The following GREB1L variants were observed in gnomAD, a reference collection of about 807,000 sequenced individuals.
The protein encoded by GREB1L is GREB1-like protein.
Under a neutral mutation model 200.8 loss-of-function variants are expected in GREB1L, and 17 were observed. That is an observed-to-expected ratio of 0.08 (90% CI 0.06 to 0.13). The LOEUF (loss-of-function observed/expected upper bound fraction) is 0.13, where lower values mean the gene tolerates loss of function less well. Ranked by LOEUF, GREB1L falls within the 10% of genes least tolerant of loss-of-function variation. The pLI is 1.00. For missense variants in GREB1L, 1,657 were observed against 2,367.7 expected (o/e 0.70, Z 6.23); for synonymous variants, 789 against 893.0 (o/e 0.88, Z 2.08).
chr18:21,268,335 A>C (rs2038005506), intron 1 of GREB1L, among the ~76,000 whole-genome samples: 2 of 151,470 alleles, frequency 1.3e-5, no homozygotes, highest in African/African-American at 4.9e-5. Flanking sequence ...AATCAAGCTG[A>C]ATTTTATTAA....
rs946709424 is a variant in GREB1L, at chr18:21,518,236, TA to T, written c.5472+7del. On this transcript the variant is annotated splice_donor_region_variant and intron_variant, in intron 31 of 32. Transcript: ENST00000424526. The stretch of plus-strand genomic sequence containing the variant: ...TGCTACCTTAACATTGGACCAGAGG[TA>T]AAAAGGGTGTGGGGGATACTGTGCT... 38 of 1,551,196 alleles carry T rather than the reference TA, an allele frequency of 2.4e-5. No individual in the cohort carries two copies. Among genetic ancestry groups the T allele is most frequent in the Non-Finnish European group, 3.2e-5 (37 of 1,146,786 alleles).
chr18:21,299,803 A>G (rs2038589859), intron 1 of GREB1L, among the ~76,000 whole-genome samples: 1 of 152,218 alleles, frequency 6.6e-6, no homozygotes, highest in South Asian at 2.1e-4. Context: ...AGGCAGATAT[A>G]TTTTGAAACT....
intron 1 of GREB1L, among the ~76,000 whole-genome samples, chr18:21,347,933 ATTTTTTTTTTTT>A (rs1171946736): frequency 1.9e-4 from 15 of 77,354 alleles, no homozygotes; most frequent in East Asian, 3.1e-4. Context: ...CACTCGGCTA[ATTTTTTTTTTTT>A]TTTTTTTTTT....
chr18:21,243,909 A>G (rs1381416726), intron 1 of GREB1L, among the ~76,000 whole-genome samples: 1 of 152,174 alleles, frequency 6.6e-6, no homozygotes, highest in Non-Finnish European at 1.5e-5. Context: ...CCTCTCCTCC[A>G]TACAAGCCTT....
intron 2 of GREB1L, among the ~76,000 whole-genome samples, chr18:21,372,171 C>CA (rs1452693149): frequency 7.0e-6 from 1 of 142,926 alleles, no homozygotes; most frequent in African/African-American, 2.6e-5. Flanking sequence ...TTTTTTGAGA[C>CA]AGAGTCTCGC....
intron 10 of GREB1L, 113 bp downstream of exon 10, chr18:21,441,650 G>T (rs2033909497): frequency 5.8e-6 from 6 of 1,035,280 alleles, no homozygotes; most frequent in Non-Finnish European, 8.3e-6. Flanking sequence ...TGTTGATTCT[G>T]TCAGCTTTTA....
intron 6 of GREB1L, among the ~76,000 whole-genome samples, chr18:21,402,927 C>T (rs1197043961): frequency 1.3e-5 from 2 of 151,006 alleles, no homozygotes; most frequent in Non-Finnish European, 2.9e-5. Context: ...TATATATATA[C>T]ACATATAATA....
chr18:21,408,130 A>G (rs2030498601), intron 7 of GREB1L, among the ~76,000 whole-genome samples: 1 of 145,836 alleles, frequency 6.9e-6, no homozygotes, highest in Admixed American at 6.7e-5. Flanking sequence ...TTCCCAATAC[A>G]CACACAAAAA....
intron 23 of GREB1L, among the ~76,000 whole-genome samples, chr18:21,503,570 CATT>C (rs1179762209): frequency 2.2e-5 from 3 of 139,166 alleles, no homozygotes; most frequent in South Asian, 2.3e-4. Flanking sequence ...ACTTTATTAT[CATT>C]ATTATTATTA....
At chr18:21,306,737 T>C (rs2038707843) in intron 1 of GREB1L, among the ~76,000 whole-genome samples, 1 of 152,248 alleles carries the variant, frequency 6.6e-6, no homozygotes, top group South Asian at 2.1e-4. Flanking sequence ...TTAATGAACA[T>C]GTAGATAATG....
At position 21,353,381 on chromosome 18, in the gene GREB1L, A is replaced by G. The variant is rs565216136; in HGVS notation, c.-119-12646A>G. On this transcript the variant is annotated intron_variant, in intron 1 of 32. Coordinates refer to ENST00000424526, the MANE Select transcript of GREB1L (RefSeq NM_001142966.3). ...AATAGTAGCAGCTATTACTGTTACT[A>G]GAATATGCTTAACCATTTCTCTATT... Among the ~76,000 whole-genome samples the G allele has an allele frequency of 1.1e-4, 16 of 152,264 alleles. No homozygotes were observed. The East Asian group carries it at 2.9e-3, about 28-fold the overall frequency.
chr18:21,501,804 G>A (rs1178859328), intron 23 of GREB1L, among the ~76,000 whole-genome samples: 1 of 152,200 alleles, frequency 6.6e-6, no homozygotes, highest in African/African-American at 2.4e-5. Flanking sequence ...TCTATGTGTA[G>A]AACTGAATGC....
rs562491816 is a variant in GREB1L at position 21,487,691 on chromosome 18, C to T, written c.2690+1938C>T. 9.8e-5 allele frequency among the ~76,000 whole-genome samples: 15 copies of T among 152,298 alleles called. No homozygotes were observed. In the South Asian group the frequency reaches 2.9e-3, roughly 29 times the overall value. On this transcript the variant is annotated intron_variant, in intron 18 of 32. Coordinates refer to ENST00000424526, the MANE Select transcript of GREB1L (RefSeq NM_001142966.3). ...CTGAACTTCTCTCTGCCCCTGAACT[C>T]ATTCTCTTTCTATGAAAAGGCAGAG...
At chr18:21,488,956 C>T (rs2036229347) in intron 18 of GREB1L, among the ~76,000 whole-genome samples, 1 of 152,214 alleles carries the variant, frequency 6.6e-6, no homozygotes, top group Non-Finnish European at 1.5e-5. Context: ...CGCGCCCAGC[C>T]TACTTTCTTT....
intron 16 of GREB1L, among the ~76,000 whole-genome samples, chr18:21,474,143 ACCAATTATG>A (rs995276613): frequency 2.6e-5 from 4 of 152,024 alleles, no homozygotes; most frequent in African/African-American, 9.7e-5. Context: ...ACATTTCAAA[ACCAATTATG>A]CCTTCCCAAC....
At chr18:21,495,338 G>A (rs1391521354) in intron 19 of GREB1L, among the ~76,000 whole-genome samples, 1 of 152,160 alleles carries the variant, frequency 6.6e-6, no homozygotes, top group Non-Finnish European at 1.5e-5. Flanking sequence ...TAAGTGCCTG[G>A]ATTCAGGTAG....
At chr18:21,411,503 G>A (rs2031007907) in intron 7 of GREB1L, among the ~76,000 whole-genome samples, 3 of 151,812 alleles carry the variant, frequency 2.0e-5, no homozygotes, top group Admixed American at 2.0e-4. Flanking sequence ...ACGGTGCCCA[G>A]CCAGATGTTG....
chr18:21,435,411 G>A (rs1159428728), intron 7 of GREB1L, among the ~76,000 whole-genome samples: 1 of 152,220 alleles, frequency 6.6e-6, no homozygotes, highest in African/African-American at 2.4e-5. Context: ...TTGTGATCTA[G>A]TGGGGGAGAC....
intron 1 of GREB1L, among the ~76,000 whole-genome samples, chr18:21,278,934 C>T (rs1468134026): frequency 6.6e-6 from 1 of 152,114 alleles, no homozygotes; most frequent in Non-Finnish European, 1.5e-5. Flanking sequence ...AGTTCCTATA[C>T]ATCTGAACAC....
Sources: gnomAD v4.1 joint callset for allele counts (sites outside exome capture counted in the v4.1 genomes callset) on GRCh38, gnomAD v4.1.1 for gene constraint, MANE v1.5 for transcripts, NCBI Gene and HGNC (gene_info 2026-07-23, HGNC 2026-07-21) for gene names.